Variants in SLC23A2 observed in about 807,000 individuals in gnomAD.
SLC23A2 encodes Na(+)/L-ascorbic acid transporter 2.
A neutral mutation model predicts 73.3 loss-of-function variants in SLC23A2; 36 were observed. The ratio of observed to expected loss-of-function variants is 0.49; its 90% CI spans 0.38 to 0.65. The LOEUF is 0.65. SLC23A2 is among the 30% of genes least tolerant of loss of function. SLC23A2 has a pLI of 0.00. For missense variants in SLC23A2, 507 were observed against 841.6 expected (o/e 0.60, Z 4.92); for synonymous variants, 343 against 327.3 (o/e 1.05, Z -0.52).
At chr20:4,873,263 C>T (rs1052330015) in intron 11 of SLC23A2, among the ~76,000 whole-genome samples, 1 of 152,104 alleles carries the variant, frequency 6.6e-6, no homozygotes. Flanking sequence ...AGCTCAGGCT[C>T]CAATTCTAAT....
At chr20:4,944,860 G>C (rs901253516) in intron 2 of SLC23A2, among the ~76,000 whole-genome samples, 3 of 152,136 alleles carry the variant, frequency 2.0e-5, no homozygotes, top group Admixed American at 6.6e-5. Context: ...TAATCAAACT[G>C]TGGCTGCTCC....
At chr20:4,882,365 A>G (rs975885982) in intron 9 of SLC23A2, among the ~76,000 whole-genome samples, 2 of 151,734 alleles carry the variant, frequency 1.3e-5, no homozygotes, top group Non-Finnish European at 2.9e-5. Flanking sequence ...ACAGAGCGAG[A>G]CTCCATTGCA....
chr20:4,934,279 A>C (rs1049440083), intron 2 of SLC23A2, among the ~76,000 whole-genome samples: 2 of 152,040 alleles, frequency 1.3e-5, no homozygotes, highest in Non-Finnish European at 2.9e-5. Flanking sequence ...GGCCATCACA[A>C]CTCGGGGAGA....
intron 2 of SLC23A2, among the ~76,000 whole-genome samples, chr20:4,962,583 A>T (rs1389135270): frequency 6.6e-6 from 1 of 152,240 alleles, no homozygotes; most frequent in Admixed American, 6.5e-5. Flanking sequence ...GCAAAAGGTA[A>T]AAGGTCAGTG....
chr20:4,946,474 G>A (rs2087120724), intron 2 of SLC23A2, among the ~76,000 whole-genome samples: 1 of 152,218 alleles, frequency 6.6e-6, no homozygotes, highest in African/African-American at 2.4e-5. Flanking sequence ...GGTGAGTTGG[G>A]TGGGGAGGAT....
At chr20:4,935,181 C>T (rs189470744) in intron 2 of SLC23A2, among the ~76,000 whole-genome samples, 4,543 of 119,220 alleles carry the variant, frequency 0.038, 123 homozygotes, top group South Asian at 0.13. Context: ...AGCGAGACTC[C>T]GTCTCAAAAA....
intron 9 of SLC23A2, among the ~76,000 whole-genome samples, chr20:4,879,725 C>T (rs1216153380): frequency 2.6e-5 from 4 of 152,058 alleles, no homozygotes; most frequent in African/African-American, 4.8e-5. Flanking sequence ...GAGCCATGAT[C>T]GATTTCAACA....
intron 1 of SLC23A2, among the ~76,000 whole-genome samples, chr20:4,997,397 T>C (rs1245074660): frequency 1.3e-5 from 2 of 151,592 alleles, no homozygotes; most frequent in Non-Finnish European, 2.9e-5. Flanking sequence ...TGCTGTTTCC[T>C]CCCCTCAGAA....
At chr20:4,969,240 A>C (rs2122216452) in intron 2 of SLC23A2, among the ~76,000 whole-genome samples, 1 of 152,028 alleles carries the variant, frequency 6.6e-6, no homozygotes, top group Middle Eastern at 3.4e-3. Flanking sequence ...GGTATGCGCC[A>C]CCATGCCTGG....
intron 3 of SLC23A2, among the ~76,000 whole-genome samples, chr20:4,931,071 A>G (rs1387263160): frequency 2.8e-5 from 3 of 107,766 alleles, no homozygotes; most frequent in African/African-American, 7.9e-5. Flanking sequence ...TTTTTAAGAA[A>G]AAAAAAAAAA....
chr20:4,919,969 T>C (rs925585567), intron 3 of SLC23A2, among the ~76,000 whole-genome samples: 4 of 152,100 alleles, frequency 2.6e-5, no homozygotes, highest in African/African-American at 9.7e-5. Context: ...ACATTAAAAC[T>C]ATGATGAGAG....
chr20:4,996,055 C>T (rs2088014941), intron 1 of SLC23A2, among the ~76,000 whole-genome samples: 1 of 152,156 alleles, frequency 6.6e-6, no homozygotes, highest in Non-Finnish European at 1.5e-5. Flanking sequence ...AAATGAAGGA[C>T]CAGAAGCCAC....
In SLC23A2 at chr20:4,932,370, T is replaced by C. The variant is rs1932799228; in HGVS notation, c.108+85A>G. On this transcript the variant is annotated intron_variant, in intron 3 of 16. Coordinates refer to ENST00000338244, the MANE Select transcript of SLC23A2 (RefSeq NM_005116.6). The stretch of plus-strand genomic sequence containing the variant: ...AATGCCTTAACCTTCACTGAAAACA[T>C]GAGCATTAAAGCCAATCCTATGTTG... 18 of 825,752 alleles carry C rather than the reference T, an allele frequency of 2.2e-5. No individual in the cohort carries two copies. In the South Asian group the frequency reaches 2.4e-4, roughly 11 times the overall value. 51.2% of individuals were successfully genotyped at this position (825,752 alleles called of 1,614,324 possible). A position where few individuals can be genotyped will look rare whatever the true frequency, so the allele number is the denominator to read the frequency against.
chr20:4,985,066 C>T (rs959119885), intron 1 of SLC23A2, among the ~76,000 whole-genome samples: 25 of 146,082 alleles, frequency 1.7e-4, no homozygotes, highest in African/African-American at 5.6e-4. Flanking sequence ...GATCCCGGGA[C>T]GTGGAGGTTA....
At position 4,932,594 on chromosome 20, in the gene SLC23A2, G is replaced by C; in HGVS notation, c.-32C>G. Reference sequence around the variant, plus strand: ...AAACGAGTAGTTTACACAGCCGTTGGGGAGAGCAGCTGGAAGTGAAGGCTT... The same window carrying C: ...AAACGAGTAGTTTACACAGCCGTTGCGGAGAGCAGCTGGAAGTGAAGGCTT... On this transcript the variant is annotated 5_prime_UTR_variant, in exon 3 of 17. Transcript: ENST00000338244. 8.4e-7 allele frequency: 1 copy of C among 1,191,362 alleles called. No homozygotes were observed. Among genetic ancestry groups the C allele is most frequent in the Non-Finnish European group, 1.3e-6 (1 of 793,846 alleles). 73.8% of individuals were successfully genotyped at this position (1,191,362 alleles called of 1,614,324 possible). A position where few individuals can be genotyped will look rare whatever the true frequency, so the allele number is the denominator to read the frequency against.
intron 9 of SLC23A2, among the ~76,000 whole-genome samples, chr20:4,877,701 G>T (rs1041492934): frequency 1.3e-5 from 2 of 152,156 alleles, no homozygotes; most frequent in Non-Finnish European, 2.9e-5. Flanking sequence ...GTGGGATATA[G>T]ATAAAAGTAT....
chr20:4,995,496 C>T (rs1184444587), intron 1 of SLC23A2, among the ~76,000 whole-genome samples: 1 of 152,182 alleles, frequency 6.6e-6, no homozygotes, highest in Non-Finnish European at 1.5e-5. Flanking sequence ...ACCCCCATCA[C>T]ATCCTCAGCA....
intron 2 of SLC23A2, among the ~76,000 whole-genome samples, chr20:4,941,155 C>CA (rs113408496): frequency 0.023 from 3,027 of 130,288 alleles, 81 homozygotes; most frequent in African/African-American, 0.074. Flanking sequence ...GACTCTGTCT[C>CA]AAAAAAAAAA....
At chr20:4,903,740 C>T (rs1008397296) in intron 4 of SLC23A2, among the ~76,000 whole-genome samples, 16 of 152,204 alleles carry the variant, frequency 1.1e-4, no homozygotes, top group Non-Finnish European at 1.9e-4. Context: ...AAAACTTTCT[C>T]TTCCGTCCTA....
Sources: gnomAD v4.1 joint callset for allele counts (sites outside exome capture counted in the v4.1 genomes callset) on GRCh38, gnomAD v4.1.1 for gene constraint, MANE v1.5 for transcripts, NCBI Gene and HGNC (gene_info 2026-07-23, HGNC 2026-07-21) for gene names.